DOCK3: variants seen among roughly 807,000 people sequenced by gnomAD.
DOCK3 encodes the protein dedicator of cytokinesis protein 3.
In DOCK3, 60 loss-of-function variants were observed where a neutral mutation model predicts 265.6. The observed-to-expected ratio is 0.23, with a 90% CI of 0.18 to 0.28. The LOEUF (loss-of-function observed/expected upper bound fraction) is 0.28, where lower values mean the gene tolerates loss of function less well. Among genes scored for constraint, DOCK3 ranks in the 10% least tolerant of loss-of-function variants. The pLI, the probability that DOCK3 is intolerant of heterozygous loss-of-function variation, is 1.00. For missense variants in DOCK3, 1,981 were observed against 2,594.3 expected (o/e 0.76, Z 5.14); for synonymous variants, 881 against 938.0 (o/e 0.94, Z 1.11).
chr3:51,357,623 C>T, intron 44 of DOCK3, 135 bp from the exon 45 acceptor site: 1 of 780,984 alleles, frequency 1.3e-6, no homozygotes, highest in Admixed American at 2.5e-5. Context: ...TTCAAACAGG[C>T]CAGACTGGTG....
chr3:50,830,002 T>G (rs978874115), intron 2 of DOCK3, among the ~76,000 whole-genome samples: 1 of 152,232 alleles, frequency 6.6e-6, no homozygotes, highest in African/African-American at 2.4e-5. Flanking sequence ...GTGTAAATTT[T>G]TCAGTGCAAA....
chr3:51,117,472 G>A (rs2083792099), intron 9 of DOCK3, among the ~76,000 whole-genome samples: 1 of 152,164 alleles, frequency 6.6e-6, no homozygotes, highest in Non-Finnish European at 1.5e-5. Flanking sequence ...GGTGATGCTG[G>A]CCTCATAAAA....
chr3:51,132,731 C>G (rs2084613559), intron 9 of DOCK3, among the ~76,000 whole-genome samples: 1 of 152,112 alleles, frequency 6.6e-6, no homozygotes, highest in South Asian at 2.1e-4. Context: ...CACAGCCTTG[C>G]CAGGTGTCTA....
intron 5 of DOCK3, among the ~76,000 whole-genome samples, chr3:50,978,966 C>A (rs1021508645): frequency 7.2e-5 from 11 of 152,188 alleles, no homozygotes; most frequent in Non-Finnish European, 1.5e-4. Flanking sequence ...TGACCCCTTG[C>A]GCTTCCCGAG....
intron 2 of DOCK3, among the ~76,000 whole-genome samples, chr3:50,781,604 T>A (rs760152725): frequency 1.2e-4 from 19 of 152,156 alleles, no homozygotes; most frequent in Admixed American, 3.9e-4. Flanking sequence ...GTATTTTTTT[T>A]AATTTGAAAT....
In DOCK3 at chr3:51,049,827, ACC is replaced by A. The variant is rs200683684; in HGVS notation, c.316-14618_316-14617del. 7.8e-3 allele frequency among the ~76,000 whole-genome samples: 1,133 copies of A among 144,412 alleles called. 15 individuals are homozygous for A. Among genetic ancestry groups the A allele is most frequent in the South Asian group, 0.014 (60 of 4,392 alleles). 94.7% of individuals were successfully genotyped at this position (144,412 alleles called of 152,430 possible). A position where few individuals can be genotyped will look rare whatever the true frequency, so the allele number is the denominator to read the frequency against. ...CACACACACACACACACACACACACACCCCAAAAAAACACTGTTAGAACTAAT... is the reference window on the plus strand; with the variant it reads ...CACACACACACACACACACACACACACCAAAAAAACACTGTTAGAACTAAT... On this transcript the variant is annotated intron_variant, in intron 5 of 52. Coordinates refer to ENST00000266037, the MANE Select transcript of DOCK3 (RefSeq NM_004947.5).
chr3:51,062,444 C>A (rs1277962323), intron 5 of DOCK3, among the ~76,000 whole-genome samples: 2 of 152,162 alleles, frequency 1.3e-5, no homozygotes, highest in African/African-American at 4.8e-5. Context: ...TGCCACCTTA[C>A]TTCATTCAGG....
intron 9 of DOCK3, among the ~76,000 whole-genome samples, chr3:51,117,252 T>C (rs1033510584): frequency 2.0e-5 from 3 of 152,216 alleles, no homozygotes; most frequent in Admixed American, 6.5e-5. Flanking sequence ...TCTGTGTATG[T>C]GATGGATTAC....
intron 2 of DOCK3, among the ~76,000 whole-genome samples, chr3:50,816,434 G>A (rs1473907138): frequency 1.3e-5 from 2 of 148,578 alleles, no homozygotes; most frequent in Admixed American, 6.8e-5. Context: ...TGATTCTCCC[G>A]CCTCAGCCTC....
chr3:50,918,641 T>C (rs1401337763), intron 4 of DOCK3, among the ~76,000 whole-genome samples: 1 of 152,200 alleles, frequency 6.6e-6, no homozygotes, highest in Non-Finnish European at 1.5e-5. Flanking sequence ...TTTAAGTTCT[T>C]TGTAGATTCT....
chr3:51,299,837 C>T (rs1219833594), intron 27 of DOCK3, among the ~76,000 whole-genome samples: 1 of 152,148 alleles, frequency 6.6e-6, no homozygotes, highest in East Asian at 1.9e-4. Flanking sequence ...TGTTTGAAGT[C>T]AGGTAGTGTG....
At chr3:51,134,984 A>G (rs763024491) in intron 9 of DOCK3, among the ~76,000 whole-genome samples, 2 of 152,204 alleles carry the variant, frequency 1.3e-5, no homozygotes, top group Middle Eastern at 3.2e-3. Context: ...TACTTAAAAC[A>G]ATGCCTGGTG....
intron 39 of DOCK3, 25 bp downstream of exon 39, chr3:51,348,963 C>G: frequency 2.4e-6 from 3 of 1,262,686 alleles, no homozygotes; most frequent in Non-Finnish European, 3.2e-6. Flanking sequence ...TCCCCCCACC[C>G]CAGCCCTGAC....
chr3:50,776,933 A>G (rs2041634592), intron 1 of DOCK3, among the ~76,000 whole-genome samples: 2 of 152,218 alleles, frequency 1.3e-5, no homozygotes, highest in Non-Finnish European at 2.9e-5. Context: ...GTGACTGGGA[A>G]GGCCTCACAA....
intron 1 of DOCK3, among the ~76,000 whole-genome samples, chr3:50,772,226 G>T (rs182508282): frequency 6.6e-6 from 1 of 152,316 alleles, no homozygotes; most frequent in East Asian, 1.9e-4. Flanking sequence ...TCACTTATTT[G>T]TGGGATCTAA....
chr3:50,717,451 A>G (rs1187260817), intron 1 of DOCK3, among the ~76,000 whole-genome samples: 2 of 152,074 alleles, frequency 1.3e-5, no homozygotes, highest in East Asian at 3.9e-4. Context: ...TTGATTCCAT[A>G]TATTTATGTA....
chr3:51,136,325 C>A (rs1485965409), intron 9 of DOCK3, among the ~76,000 whole-genome samples: 1 of 151,804 alleles, frequency 6.6e-6, no homozygotes, highest in Non-Finnish European at 1.5e-5. Context: ...CCTCCCAGGT[C>A]ACGCCATTCT....
At chr3:51,219,574 A>G (rs2089973590) in intron 14 of DOCK3, among the ~76,000 whole-genome samples, 1 of 152,228 alleles carries the variant, frequency 6.6e-6, no homozygotes, top group Non-Finnish European at 1.5e-5. Context: ...TAGATACAGG[A>G]AACTATTTTT....
intron 9 of DOCK3, among the ~76,000 whole-genome samples, chr3:51,132,642 A>G (rs1382795209): frequency 6.6e-6 from 1 of 152,228 alleles, no homozygotes; most frequent in East Asian, 1.9e-4. Context: ...ATGTTCCTGT[A>G]GAGAAAGAGC....
Sources: gnomAD v4.1 joint callset for allele counts (sites outside exome capture counted in the v4.1 genomes callset) on GRCh38, gnomAD v4.1.1 for gene constraint, MANE v1.5 for transcripts, NCBI Gene and HGNC (gene_info 2026-07-23, HGNC 2026-07-21) for gene names.